The following CHRM3 variants were observed in gnomAD, a reference collection of about 807,000 sequenced individuals.
CHRM3 encodes the protein muscarinic acetylcholine receptor M3.
In CHRM3, 11 loss-of-function variants were observed where a neutral mutation model predicts 41.8. The observed-to-expected ratio is 0.26, with a 90% CI of 0.17 to 0.44. CHRM3 has a LOEUF of 0.44. CHRM3 is among the 20% of genes least tolerant of loss of function. CHRM3 has a pLI of 1.00. For synonymous variants in CHRM3, 297 were observed against 301.4 expected, an observed-to-expected ratio of 0.99 and a Z score of 0.15; for missense variants, 571 against 745.4, an observed-to-expected ratio of 0.77 and a Z score of 2.72.
At position 239,822,354 on chromosome 1, in the gene CHRM3, A is replaced by G. The variant is rs559324062; in HGVS notation, c.-146-4898A>G. Among the ~76,000 whole-genome samples the G allele has an allele frequency of 9.8e-5, 15 of 152,340 alleles. 1 individual carries two copies. Among genetic ancestry groups the G allele is most frequent in the African/African-American group, 3.4e-4 (14 of 41,580 alleles). On this transcript the variant is annotated intron_variant, in intron 5 of 6. Transcript: ENST00000676153. ...GTTTCTAAAACAAGGATGGAGAAAT[A>G]ACTTAAAGATAGCTAAACCGAGTAC...
At chr1:239,507,541 A>G (rs1257443913) in intron 2 of CHRM3, among the ~76,000 whole-genome samples, 1 of 152,228 alleles carries the variant, frequency 6.6e-6, no homozygotes, top group African/African-American at 2.4e-5. Flanking sequence ...TAGCAGCAGC[A>G]TGAAAATGGA....
chr1:239,862,645 C>T (rs1479759040), intron 6 of CHRM3, among the ~76,000 whole-genome samples: 1 of 152,158 alleles, frequency 6.6e-6, no homozygotes, highest in Non-Finnish European at 1.5e-5. Context: ...GATTTGATTT[C>T]TTTAAGTACC....
At chr1:239,602,601 A>G (rs996273871) in intron 3 of CHRM3, among the ~76,000 whole-genome samples, 10 of 152,114 alleles carry the variant, frequency 6.6e-5, no homozygotes, top group African/African-American at 7.2e-5. Flanking sequence ...AGTTGTTCCT[A>G]TGTAGGGTTA....
At chr1:239,552,279 GA>G (rs1659911604) in intron 3 of CHRM3, among the ~76,000 whole-genome samples, 2 of 120,136 alleles carry the variant, frequency 1.7e-5, no homozygotes, top group African/African-American at 5.4e-5. Context: ...TATATGTATA[GA>G]TGATATGTAT....
intron 4 of CHRM3, among the ~76,000 whole-genome samples, chr1:239,674,603 T>A (rs1398147134): frequency 6.7e-6 from 1 of 149,500 alleles, no homozygotes; most frequent in African/African-American, 2.5e-5. Flanking sequence ...CCAGCTACTC[T>A]GAAGGCTGAG....
rs1039245351 is a variant in CHRM3 at position 239,453,079 on chromosome 1, C to A, written c.-520-39630C>A. On this transcript the variant is annotated intron_variant, in intron 1 of 6. Coordinates refer to ENST00000676153, the MANE Select transcript of CHRM3 (RefSeq NM_001375978.1). ...CCTCCCAAAGTGCTGGGATTACAGG[C>A]GCGAGCCACCGCGCCCGGCCCAGGC... 5.9e-5 allele frequency among the ~76,000 whole-genome samples: 9 copies of A among 152,288 alleles called. No homozygotes were observed. The South Asian group carries it at 6.2e-4, about 11-fold the overall frequency.
chr1:239,561,175 A>G (rs1391822465), intron 3 of CHRM3, among the ~76,000 whole-genome samples: 1 of 152,206 alleles, frequency 6.6e-6, no homozygotes, highest in Non-Finnish European at 1.5e-5. Context: ...AGTTATCTGC[A>G]GAGTCATGAT....
At chr1:239,579,377 A>G (rs985631454) in intron 3 of CHRM3, among the ~76,000 whole-genome samples, 18 of 152,230 alleles carry the variant, frequency 1.2e-4, no homozygotes, top group African/African-American at 4.1e-4. Flanking sequence ...TATTAATGTC[A>G]ACATTTGGAA....
chr1:239,433,478 A>G (rs1172598102), intron 1 of CHRM3, among the ~76,000 whole-genome samples: 7 of 152,214 alleles, frequency 4.6e-5, no homozygotes, highest in South Asian at 2.1e-4. Context: ...TTTTATTTGC[A>G]TAGGTTTTTG....
At chr1:239,761,625 T>C (rs1666782399) in intron 5 of CHRM3, among the ~76,000 whole-genome samples, 1 of 152,208 alleles carries the variant, frequency 6.6e-6, no homozygotes, top group South Asian at 2.1e-4. Context: ...GCACTACCAC[T>C]GAGGCAATAT....
intron 5 of CHRM3, among the ~76,000 whole-genome samples, chr1:239,756,280 G>A (rs1256374194): frequency 6.6e-6 from 1 of 152,128 alleles, no homozygotes; most frequent in African/African-American, 2.4e-5. Context: ...AGTGATGAAG[G>A]GAGCTTCTCC....
At chr1:239,874,326 T>TACAC (rs1553292048) in intron 6 of CHRM3, among the ~76,000 whole-genome samples, 9 of 121,988 alleles carry the variant, frequency 7.4e-5, no homozygotes, top group African/African-American at 2.8e-4. Flanking sequence ...TATATATATA[T>TACAC]ACACAGTTGA....
intron 6 of CHRM3, among the ~76,000 whole-genome samples, chr1:239,827,734 T>A (rs868475744): frequency 3.3e-5 from 5 of 152,172 alleles, no homozygotes; most frequent in Admixed American, 1.3e-4. Flanking sequence ...TTTAAAAATC[T>A]TATAAATACA....
intron 1 of CHRM3, among the ~76,000 whole-genome samples, chr1:239,460,682 A>G (rs1022584262): frequency 6.6e-6 from 1 of 152,194 alleles, no homozygotes; most frequent in African/African-American, 2.4e-5. Context: ...ATTAAAGTAG[A>G]TAAGGGAAAT....
At chr1:239,691,557 A>C (rs1179118577) in intron 5 of CHRM3, among the ~76,000 whole-genome samples, 1 of 152,214 alleles carries the variant, frequency 6.6e-6, no homozygotes, top group African/African-American at 2.4e-5. Flanking sequence ...TGTTACCTGA[A>C]GACAGATTAG....
chr1:239,882,012 TCTC>T (rs1416616380), intron 6 of CHRM3, among the ~76,000 whole-genome samples: 1 of 152,140 alleles, frequency 6.6e-6, no homozygotes, highest in African/African-American at 2.4e-5. Context: ...TTCAAGCAAT[TCTC>T]CTGCCTCAGC....
At chr1:239,652,582 G>A (rs909451942) in intron 4 of CHRM3, among the ~76,000 whole-genome samples, 1 of 151,948 alleles carries the variant, frequency 6.6e-6, no homozygotes, top group Non-Finnish European at 1.5e-5. Flanking sequence ...AGGAAGAAGC[G>A]TTGTTGGTGT....
intron 5 of CHRM3, among the ~76,000 whole-genome samples, chr1:239,812,609 T>G (rs1319663366): frequency 6.6e-6 from 1 of 152,242 alleles, no homozygotes; most frequent in Non-Finnish European, 1.5e-5. Context: ...TGACTTACAC[T>G]AATTGTGTTT....
intron 5 of CHRM3, among the ~76,000 whole-genome samples, chr1:239,715,218 A>ATTGT (rs1558480285): frequency 6.6e-6 from 1 of 151,644 alleles, no homozygotes; most frequent in African/African-American, 2.4e-5. Context: ...GCATATTTAA[A>ATTGT]TTGGTTAAGA....
Sources: gnomAD v4.1 joint callset for allele counts (sites outside exome capture counted in the v4.1 genomes callset) on GRCh38, gnomAD v4.1.1 for gene constraint, MANE v1.5 for transcripts, NCBI Gene and HGNC (gene_info 2026-07-23, HGNC 2026-07-21) for gene names.